GOLM1: variants seen among roughly 807,000 people sequenced by gnomAD.
GOLM1 encodes golgi membrane protein 1, also known as epididymis luminal protein 46.
GOLM1 carries 31 observed loss-of-function variants against 50.5 expected under a neutral mutation model. That is an observed-to-expected ratio of 0.61 (90% confidence interval 0.46 to 0.83). The LOEUF (loss-of-function observed/expected upper bound fraction) is 0.83. Ranked by LOEUF, GOLM1 falls within the 40% of genes least tolerant of loss-of-function variation. The pLI is 0.00. For missense variants in GOLM1, 491 were observed against 501.3 expected, an observed-to-expected ratio of 0.98 and a Z score of 0.20; for synonymous variants, 178 against 192.8, an observed-to-expected ratio of 0.92 and a Z score of 0.64.
intron 1 of GOLM1, among the ~76,000 whole-genome samples, chr9:86,093,688 ATGTT>A (rs1401431355): frequency 6.6e-6 from 1 of 152,220 alleles, no homozygotes; most frequent in African/African-American, 2.4e-5. Flanking sequence ...TTAAGACAAA[ATGTT>A]TGTAATTTAA....
intron 4 of GOLM1, among the ~76,000 whole-genome samples, chr9:86,049,569 C>T (rs1833668217): frequency 6.6e-6 from 1 of 152,164 alleles, no homozygotes; most frequent in African/African-American, 2.4e-5. Flanking sequence ...TGTAGTTCTC[C>T]TTGAAGAGGT....
At chr9:86,037,532 G>A (rs1159327737) in intron 6 of GOLM1, among the ~76,000 whole-genome samples, 1 of 151,576 alleles carries the variant, frequency 6.6e-6, no homozygotes, top group Non-Finnish European at 1.5e-5. Flanking sequence ...GTGCTTAGAA[G>A]AAATGTACAC....
chr9:86,098,607 A>G (rs1835424122), intron 1 of GOLM1, among the ~76,000 whole-genome samples: 1 of 152,282 alleles, frequency 6.6e-6, no homozygotes, highest in African/African-American at 2.4e-5. Context: ...ATTGTCCAGC[A>G]TCATCATGGT....
chr9:86,051,115 T>A (rs932353692), intron 4 of GOLM1, among the ~76,000 whole-genome samples: 3 of 152,236 alleles, frequency 2.0e-5, no homozygotes, highest in African/African-American at 7.2e-5. Context: ...CTTCATTTAG[T>A]TATGTACCCA....
rs1346214378 is a variant in GOLM1 at position 86,040,813 on chromosome 9, C to G, written c.523G>C (p.Glu175Gln). ...TCATTCCCCTTTTTGGTGACCTCTT[C>G]TATTCGCTCCTCACACTGTTCCTTC... is the stretch of plus-strand genomic sequence containing the variant. The part of the protein sequence containing the change: ...EVKEQCEERI[E>Q]EVTKKGNEAV... The change falls in exon 6 of 10, where the codon GAA (glutamate) becomes CAA (glutamine). Residue 175 changes from glutamate (E) to glutamine (Q), a missense_variant. Coordinates refer to ENST00000388712, the MANE Select transcript of GOLM1 (RefSeq NM_016548.4). 2.5e-6 allele frequency: 4 copies of G among 1,613,702 alleles called. No individual in the cohort carries two copies. In the African/African-American group the frequency reaches 5.3e-5, roughly 22 times the overall value.
At chr9:86,052,401 TAA>T in intron 4 of GOLM1, 134 bp downstream of exon 4, 1 of 742,220 alleles carries the variant, frequency 1.3e-6, no homozygotes. Context: ...GCAAAAAGAA[TAA>T]AGATTGCTCA....
At position 86,076,857 on chromosome 9, in the gene GOLM1, C is replaced by CAA. The variant is rs748234542; in HGVS notation, c.309+553_309+554dup. On this transcript the variant is annotated intron_variant, in intron 3 of 9. Transcript: ENST00000388712. ...TGGGCGACAGAGCCAAACTCCATCT[C>CAA]AAAAAAAAAAAAAAAGACACATAAA... Among the ~76,000 whole-genome samples, 297 of 111,172 alleles carry CAA rather than the reference C, an allele frequency of 2.7e-3. 3 individuals carry two copies. Among genetic ancestry groups the CAA allele is most frequent in the African/African-American group, 9.1e-3 (276 of 30,364 alleles). The allele number at this position is 111,172 out of a possible 152,430, so 72.9% of individuals were successfully genotyped here.
intron 5 of GOLM1, among the ~76,000 whole-genome samples, chr9:86,041,133 GAAT>G (rs1833332920): frequency 6.6e-6 from 1 of 151,932 alleles, no homozygotes; most frequent in Non-Finnish European, 1.5e-5. Context: ...ACAATCTGTA[GAAT>G]AATAAAAAAA....
intron 1 of GOLM1, among the ~76,000 whole-genome samples, chr9:86,082,307 T>C (rs1834809166): frequency 6.6e-6 from 1 of 151,972 alleles, no homozygotes; most frequent in Admixed American, 6.6e-5. Context: ...ATTACAGGCA[T>C]GAGCCACCGT....
intron 3 of GOLM1, among the ~76,000 whole-genome samples, chr9:86,056,333 T>C (rs1833985728): frequency 1.3e-5 from 2 of 151,870 alleles, no homozygotes. Context: ...AAAAGGATCA[T>C]AAAATGCCAT....
intron 9 of GOLM1, among the ~76,000 whole-genome samples, chr9:86,028,239 A>G (rs1832847456): frequency 6.6e-6 from 1 of 152,204 alleles, no homozygotes; most frequent in Non-Finnish European, 1.5e-5. Flanking sequence ...TTCTGTGCCT[A>G]TAAAAACCCT....
At chr9:86,049,722 C>T (rs546851206) in intron 4 of GOLM1, among the ~76,000 whole-genome samples, 4 of 152,272 alleles carry the variant, frequency 2.6e-5, no homozygotes, top group Non-Finnish European at 5.9e-5. Context: ...ATTTTGTATT[C>T]TGAGACTTTG....
At chr9:86,091,179 G>A (rs970828638) in intron 1 of GOLM1, among the ~76,000 whole-genome samples, 1 of 142,104 alleles carries the variant, frequency 7.0e-6, no homozygotes, top group Non-Finnish European at 1.6e-5. Context: ...GCTGGGAGCT[G>A]CGGACCAGAG....
At chr9:86,093,980 A>G (rs747347673) in intron 1 of GOLM1, among the ~76,000 whole-genome samples, 3 of 152,340 alleles carry the variant, frequency 2.0e-5, no homozygotes, top group African/African-American at 7.2e-5. Flanking sequence ...CCAGCGGCTC[A>G]GCAGGAAGTT....
chr9:86,066,247 T>C (rs1834304396), intron 3 of GOLM1, among the ~76,000 whole-genome samples: 1 of 152,164 alleles, frequency 6.6e-6, no homozygotes, highest in Non-Finnish European at 1.5e-5. Context: ...ACCAGCTCTT[T>C]ACAAGAGAAA....
chr9:86,088,809 G>A (rs1258888820), intron 1 of GOLM1, among the ~76,000 whole-genome samples: 4 of 151,892 alleles, frequency 2.6e-5, no homozygotes, highest in Non-Finnish European at 4.4e-5. Flanking sequence ...TCATTATGAT[G>A]TTAACTGGTT....
At chr9:86,058,282 T>G (rs1315372266) in intron 3 of GOLM1, among the ~76,000 whole-genome samples, 1 of 152,206 alleles carries the variant, frequency 6.6e-6, no homozygotes, top group Non-Finnish European at 1.5e-5. Flanking sequence ...GGCAAAAGAT[T>G]TGCAAAGACA....
At chr9:86,098,858 G>A (rs1331355522) in intron 1 of GOLM1, among the ~76,000 whole-genome samples, 1 of 152,136 alleles carries the variant, frequency 6.6e-6, no homozygotes. Flanking sequence ...GGGAGGACCC[G>A]GAGCCCAAGC....
intron 1 of GOLM1, among the ~76,000 whole-genome samples, chr9:86,088,290 C>A (rs537360771): frequency 2.0e-5 from 3 of 151,534 alleles, no homozygotes; most frequent in African/African-American, 7.3e-5. Flanking sequence ...GTGATCTCCC[C>A]TTTACCATTT....
Sources: gnomAD v4.1 joint callset for allele counts (sites outside exome capture counted in the v4.1 genomes callset) on GRCh38, gnomAD v4.1.1 for gene constraint, MANE v1.5 for transcripts, NCBI Gene and HGNC (gene_info 2026-07-23, HGNC 2026-07-21) for gene names.